The following TVP23A variants were observed in gnomAD, a reference collection of about 807,000 sequenced individuals.
TVP23A encodes the protein trans-golgi network vesicle protein 23 homolog A.
TVP23A carries 21 observed loss-of-function variants against 31.7 expected under a neutral mutation model. The ratio of observed to expected loss-of-function variants is 0.66; its 90% CI spans 0.47 to 0.95. TVP23A has a LOEUF of 0.95. Ranked by LOEUF, TVP23A falls within the 40% of genes least tolerant of loss-of-function variation. The pLI, the probability that TVP23A is intolerant of heterozygous loss-of-function variation, is 0.00. For missense variants in TVP23A, 279 were observed against 255.6 expected, an observed-to-expected ratio of 1.09 and a Z score of -0.62; for synonymous variants, 104 against 96.0, an observed-to-expected ratio of 1.08 and a Z score of -0.49.
At chr16:10,798,600 G>A (rs1405505147) in intron 2 of TVP23A, among the ~76,000 whole-genome samples, 1 of 152,178 alleles carries the variant, frequency 6.6e-6, no homozygotes, top group Non-Finnish European at 1.5e-5. Flanking sequence ...AAATATATCA[G>A]AAGTGATTGT....
In TVP23A at chr16:10,767,854, TC is replaced by T; in HGVS notation, c.*1247del. On this transcript the variant is annotated 3_prime_UTR_variant, in exon 8 of 8. Coordinates refer to ENST00000299866, the MANE Select transcript of TVP23A (RefSeq NM_001079512.4). This position sits in a 1 kb window ranked among gnomAD's most constrained non-coding sequence, Gnocchi z 4.6. ...TACGAGTGAAGCGGGCTCAAGATCTTCCCATTGTCACCAGCACGGAAAGAGC... is the reference window on the plus strand; with the variant it reads ...TACGAGTGAAGCGGGCTCAAGATCTTCCATTGTCACCAGCACGGAAAGAGC... The T allele has an allele frequency of 8.7e-7, 1 of 1,153,838 alleles. No homozygotes were observed. Among genetic ancestry groups the T allele is most frequent in the Non-Finnish European group, 1.3e-6 (1 of 767,750 alleles). 71.5% of individuals were successfully genotyped at this position (1,153,838 alleles called of 1,614,324 possible).
chr16:10,761,739 T>G (rs1478566228), downstream of TVP23A: 3 of 1,601,172 alleles, frequency 1.9e-6, no homozygotes, highest in Admixed American at 3.4e-5. Flanking sequence ...TTTCCTCCCC[T>G]TTGAATTTGC....
chr16:10,809,591 T>C (rs114415839), intron 2 of TVP23A, among the ~76,000 whole-genome samples: 1,767 of 152,320 alleles, frequency 0.012, 41 homozygotes, highest in African/African-American at 0.04. Context: ...GGGCTAGATC[T>C]CCCAATGAGC....
At chr16:10,766,131 C>G (rs2030842375), downstream of TVP23A, 1 of 152,500 alleles carries the variant, frequency 6.6e-6, no homozygotes, top group African/African-American at 2.4e-5. This position sits in a 1 kb window ranked among gnomAD's most constrained non-coding sequence, Gnocchi z 4.8. Flanking sequence ...CGCTCTGGTG[C>G]TATGGGTCCT....
Position 10,780,089 on chromosome 16 carries a change from AAATGAATGAATG to A in TVP23A, c.90-5005_90-4994del, listed in dbSNP as rs4028816. The stretch of plus-strand genomic sequence containing the variant: ...GGCGACAGAGTGAGACTCCATCTCA[AAATGAATGAATG>A]AATGAATGAATGAATGAATGAATGA... On this transcript the variant is annotated intron_variant, in intron 2 of 7. Coordinates refer to ENST00000299866, the MANE Select transcript of TVP23A (RefSeq NM_001079512.4). Among the ~76,000 whole-genome samples, 888 of 149,072 alleles carry A rather than the reference AAATGAATGAATG, an allele frequency of 6.0e-3. 3 individuals carry two copies. Among genetic ancestry groups the A allele is most frequent in the African/African-American group, 0.018 (706 of 40,090 alleles).
At chr16:10,762,870 G>A (rs531814109), downstream of TVP23A, among the ~76,000 whole-genome samples, 10 of 152,180 alleles carry the variant, frequency 6.6e-5, no homozygotes, top group African/African-American at 2.4e-4. Flanking sequence ...CGGAGGCCAC[G>A]TGGGGAGCCT....
chr16:10,798,181 G>A lies in TVP23A; in HGVS notation c.89+19922C>T, dbSNP rs373454090. Among the ~76,000 whole-genome samples the A allele has an allele frequency of 5.3e-5, 8 of 151,612 alleles. No individual in the cohort carries two copies. In the South Asian group the frequency reaches 6.2e-4, roughly 12 times the overall value. ...TCACCATGTTAGCCAGGATGGTCTC[G>A]ATCTCCTGACCTTGTTATCTGCCCG... On this transcript the variant is annotated intron_variant, in intron 2 of 7. Transcript: ENST00000299866.
chr16:10,768,031 G>A lies in TVP23A; in HGVS notation c.*1071C>T. On this transcript the variant is annotated 3_prime_UTR_variant, in exon 8 of 8. Transcript: ENST00000299866. This position sits in a 1 kb window ranked among gnomAD's most constrained non-coding sequence, Gnocchi z 4.3. ...CGTTAGCCTACAGAAGTATAATTCA[G>A]AGTAAGTATTTCCATGAGTACTAAA... 6.2e-7 allele frequency: 1 copy of A among 1,613,842 alleles called. No individual in the cohort carries two copies. Among genetic ancestry groups the A allele is most frequent in the Middle Eastern group, 1.6e-4 (1 of 6,062 alleles).
Position 10,804,650 on chromosome 16 carries a change from G to C in TVP23A, c.89+13453C>G, listed in dbSNP as rs112340385. ...AGTCCCAGCTACTCAGGAGGCTGAG[G>C]GGGGAGGATCGCTTGAGCCCAGGAG... On this transcript the variant is annotated intron_variant, in intron 2 of 7. Coordinates refer to ENST00000299866, the MANE Select transcript of TVP23A (RefSeq NM_001079512.4). Among the ~76,000 whole-genome samples, 1,491 of 152,334 alleles carry C rather than the reference G, an allele frequency of 9.8e-3. 28 individuals are homozygous for C. The highest frequency in any genetic ancestry group is 0.034 in the African/African-American group (1,408 of 41,568).
chr16:10,775,128 C>A, intron 2 of TVP23A, 32 bp from the exon 3 acceptor site: 1 of 1,589,948 alleles, frequency 6.3e-7, no homozygotes, highest in African/African-American at 1.3e-5. Context: ...GCCCTCACTC[C>A]AAGAGCTAAG....
At chr16:10,801,515 G>A (rs2033693459) in intron 2 of TVP23A, among the ~76,000 whole-genome samples, 1 of 152,004 alleles carries the variant, frequency 6.6e-6, no homozygotes, top group Non-Finnish European at 1.5e-5. Context: ...GGAGTGCAGT[G>A]GCGCGATCTC....
At chr16:10,797,079 C>T (rs1032149792) in intron 2 of TVP23A, among the ~76,000 whole-genome samples, 2 of 150,664 alleles carry the variant, frequency 1.3e-5, no homozygotes, top group African/African-American at 2.4e-5. Context: ...GTCTCAGCTA[C>T]TCAGGAGGCT....
intron 2 of TVP23A, among the ~76,000 whole-genome samples, chr16:10,792,091 T>A (rs1596537446): frequency 6.6e-6 from 1 of 152,224 alleles, no homozygotes; most frequent in South Asian, 2.1e-4. Flanking sequence ...TCCTCAAACC[T>A]GCCTATAAAA....
intron 2 of TVP23A, among the ~76,000 whole-genome samples, chr16:10,775,782 T>C (rs1431691916): frequency 7.2e-6 from 1 of 138,742 alleles, no homozygotes; most frequent in Non-Finnish European, 1.5e-5. Context: ...GGAGTCTTGC[T>C]CTGTCCCCTA....
At chr16:10,783,380 G>A (rs1319133413) in intron 2 of TVP23A, among the ~76,000 whole-genome samples, 1 of 152,128 alleles carries the variant, frequency 6.6e-6, no homozygotes. Context: ...AAGCAACTAA[G>A]ATGTCCTTCA....
At chr16:10,812,891 G>A (rs775754183) in intron 2 of TVP23A, among the ~76,000 whole-genome samples, 8 of 151,722 alleles carry the variant, frequency 5.3e-5, no homozygotes, top group Admixed American at 1.3e-4. Flanking sequence ...TTTAATCACA[G>A]TTTTTTAAAG....
downstream of TVP23A, chr16:10,757,800 A>C (rs371658315): frequency 7.1e-6 from 11 of 1,555,522 alleles, no homozygotes; most frequent in African/African-American, 1.1e-4. The surrounding 1 kb of genome is among the most constrained non-coding windows in gnomAD (Gnocchi z 4.1). Context: ...CCATCCTTTA[A>C]AAAAAAAAGA....
chr16:10,758,027 G>C (rs769583204), downstream of TVP23A: 12 of 1,611,724 alleles, frequency 7.4e-6, 1 homozygote, highest in South Asian at 1.3e-4. Flanking sequence ...CCACTCCCCA[G>C]GTGAGCGAGC....
At chr16:10,769,504 G>A (rs965265094) in intron 7 of TVP23A, 2 of 182,576 alleles carry the variant, frequency 1.1e-5, no homozygotes, top group African/African-American at 4.7e-5. Flanking sequence ...AGGGGTGAGT[G>A]TGCGGCTTCA....
Sources: allele counts gnomAD v4.1 joint callset (sites outside exome capture counted in the v4.1 genomes callset), GRCh38; gene constraint gnomAD v4.1.1; non-coding constraint Gnocchi (gnomAD v3.1); transcripts MANE v1.5; gene names NCBI Gene and HGNC (gene_info 2026-07-23, HGNC 2026-07-21).